ANKFN1: variants seen among roughly 807,000 people sequenced by gnomAD.
The protein encoded by ANKFN1 is ankyrin repeat and fibronectin type III domain containing 1.
In ANKFN1, 74 loss-of-function variants were observed where a neutral mutation model predicts 108.7. That is an observed-to-expected ratio of 0.68 (90% CI 0.56 to 0.83). The LOEUF (loss-of-function observed/expected upper bound fraction) is 0.83. Ranked by LOEUF, ANKFN1 falls within the 40% of genes least tolerant of loss-of-function variation. The pLI, the probability that ANKFN1 is intolerant of heterozygous loss-of-function variation, is 0.00. For synonymous variants in ANKFN1, 547 were observed against 516.2 expected (o/e 1.06, Z -0.81); for missense variants, 1,505 against 1,382.3 (o/e 1.09, Z -1.41).
At chr17:56,383,197 A>G (rs1020988932) in intron 8 of ANKFN1, among the ~76,000 whole-genome samples, 6 of 152,204 alleles carry the variant, frequency 3.9e-5, no homozygotes, top group African/African-American at 1.4e-4. Context: ...AGACAACTAC[A>G]TGGAAACCGA....
chr17:56,196,570 A>G (rs1913530170), intron 1 of ANKFN1, among the ~76,000 whole-genome samples: 1 of 152,130 alleles, frequency 6.6e-6, no homozygotes, highest in African/African-American at 2.4e-5. Flanking sequence ...CCCTGTCACT[A>G]CAAAATTTTT....
rs1246727104 is a variant in ANKFN1, at chr17:56,512,215, T to C, written c.*946T>C. The stretch of plus-strand genomic sequence containing the variant: ...TCATAGTGGATCAGCTCCAGATTCT[T>C]TGGTGATGAAATTGTCATTGAACCA... On this transcript the variant is annotated 3_prime_UTR_variant, in exon 21 of 21. Coordinates refer to ENST00000682825, the MANE Select transcript of ANKFN1 (RefSeq NM_001370326.1). Among the ~76,000 whole-genome samples the C allele has an allele frequency of 6.6e-6, 1 of 152,210 alleles. No individual in the cohort carries two copies. The highest frequency in any genetic ancestry group is 2.4e-5 in the African/African-American group (1 of 41,450).
At chr17:56,228,087 A>G in intron 3 of ANKFN1, 130 bp downstream of exon 3, 1 of 699,540 alleles carries the variant, frequency 1.4e-6, no homozygotes. Flanking sequence ...AGCCAATCTA[A>G]CATTTCATAC....
chr17:56,286,077 G>C (rs1402737246), intron 3 of ANKFN1, among the ~76,000 whole-genome samples: 1 of 152,024 alleles, frequency 6.6e-6, no homozygotes, highest in Non-Finnish European at 1.5e-5. Flanking sequence ...CTGCCTGCTT[G>C]GTTAACTATT....
intron 18 of ANKFN1, among the ~76,000 whole-genome samples, chr17:56,488,081 G>A (rs188992437): frequency 6.6e-6 from 1 of 152,182 alleles, no homozygotes; most frequent in Admixed American, 6.5e-5. Context: ...GCAAAGAAAA[G>A]ATTTTAAGAA....
At chr17:56,138,942 C>A (rs1598129644) in intron 4 of ANKFN1, among the ~76,000 whole-genome samples, 3 of 152,194 alleles carry the variant, frequency 2.0e-5, no homozygotes, top group Admixed American at 2.0e-4. Context: ...TGAGTTCAAC[C>A]GTTTAGGCCT....
intron 1 of ANKFN1, among the ~76,000 whole-genome samples, chr17:56,195,764 C>T (rs542754926): frequency 2.9e-4 from 44 of 152,286 alleles, no homozygotes; most frequent in African/African-American, 6.5e-4. Context: ...CGAGTTCCTA[C>T]AGCTTTTCAG....
intron 10 of ANKFN1, among the ~76,000 whole-genome samples, chr17:56,444,281 AT>A (rs2049208865): frequency 1.3e-5 from 2 of 152,004 alleles, no homozygotes; most frequent in Admixed American, 6.6e-5. Flanking sequence ...AAAATGTGGG[AT>A]TTTTTTTCAC....
chr17:56,110,581 AGATT>A (rs3085313), intron 4 of ANKFN1, among the ~76,000 whole-genome samples: 101,301 of 151,586 alleles, frequency 0.67, 34,980 homozygotes, highest in African/African-American at 0.85. Flanking sequence ...CAATAAATAT[AGATT>A]GATTGAATGA....
At chr17:56,167,275 A>ATG (rs1555603947) in intron 1 of ANKFN1, among the ~76,000 whole-genome samples, 2,934 of 9,766 alleles carry the variant, frequency 0.3, 98 homozygotes, top group African/African-American at 0.37. Context: ...ATATATATAC[A>ATG]TATATATATA....
chr17:56,124,961 G>A (rs1906837060), intron 4 of ANKFN1, among the ~76,000 whole-genome samples: 1 of 152,148 alleles, frequency 6.6e-6, no homozygotes, highest in South Asian at 2.1e-4. Context: ...CATTTTGGTT[G>A]GGGTAATGAA....
chr17:56,161,775 A>C (rs1197367317), intron 1 of ANKFN1, among the ~76,000 whole-genome samples: 2 of 152,246 alleles, frequency 1.3e-5, no homozygotes, highest in African/African-American at 4.8e-5. Context: ...GTAAAAAAAA[A>C]AAATTCATGA....
intron 19 of ANKFN1, among the ~76,000 whole-genome samples, chr17:56,498,605 G>A (rs2051275074): frequency 6.6e-6 from 1 of 152,192 alleles, no homozygotes; most frequent in East Asian, 1.9e-4. Context: ...GACTTGCTAT[G>A]AGTTAGTATA....
At chr17:56,364,501 C>T (rs2046610091) in intron 6 of ANKFN1, among the ~76,000 whole-genome samples, 1 of 152,148 alleles carries the variant, frequency 6.6e-6, no homozygotes, top group African/African-American at 2.4e-5. Context: ...CTATGAACAG[C>T]ACTGAAAATA....
intron 20 of ANKFN1, among the ~76,000 whole-genome samples, chr17:56,500,725 C>G (rs145102445): frequency 1.2e-4 from 19 of 152,280 alleles, no homozygotes; most frequent in African/African-American, 4.6e-4. Context: ...AGCAGTTTGG[C>G]TGAAACTCAG....
intron 8 of ANKFN1, among the ~76,000 whole-genome samples, chr17:56,428,253 A>G (rs1434706225): frequency 1.3e-5 from 2 of 151,820 alleles, no homozygotes; most frequent in Non-Finnish European, 2.9e-5. Context: ...AAAAGAAAAG[A>G]AAGACGTATT....
At chr17:56,458,387 T>C (rs533565719) in intron 14 of ANKFN1, among the ~76,000 whole-genome samples, 1 of 152,178 alleles carries the variant, frequency 6.6e-6, no homozygotes, top group South Asian at 2.1e-4. Context: ...TTAATGAGTA[T>C]ATGAAGATGG....
At position 56,422,328 on chromosome 17, in the gene ANKFN1, T is replaced by G. The variant is rs1313437493; in HGVS notation, c.911-17999T>G. 2.9e-5 allele frequency among the ~76,000 whole-genome samples: 3 copies of G among 101,998 alleles called. No homozygotes were observed. In the Admixed American group the frequency reaches 3.1e-4, roughly 10 times the overall value. The allele number at this position is 101,998 out of a possible 152,430, so 66.9% of individuals were successfully genotyped here. The stretch of plus-strand genomic sequence containing the variant: ...TGATTTTCCTAGCCTTATTGGACCA[T>G]GTGGTTTTATACCAAATATTTTGAT... On this transcript the variant is annotated intron_variant, in intron 8 of 20. Transcript: ENST00000682825.
At chr17:56,171,353 G>C (rs1910682475) in intron 1 of ANKFN1, among the ~76,000 whole-genome samples, 1 of 152,084 alleles carries the variant, frequency 6.6e-6, no homozygotes. Context: ...GGATTAATTA[G>C]CCTGGTGGAT....
Sources: allele counts gnomAD v4.1 joint callset (sites outside exome capture counted in the v4.1 genomes callset), GRCh38; gene constraint gnomAD v4.1.1; transcripts MANE v1.5; gene names NCBI Gene and HGNC (gene_info 2026-07-23, HGNC 2026-07-21).